GSG1L: variants seen among roughly 807,000 people sequenced by gnomAD.
GSG1L encodes the protein germ cell-specific gene 1-like protein.
A neutral mutation model predicts 42.1 loss-of-function variants in GSG1L; 24 were observed. The observed-to-expected ratio is 0.57, with a 90% CI of 0.41 to 0.80. The LOEUF is 0.80. GSG1L is among the 30% of genes least tolerant of loss of function. The pLI, the probability that GSG1L is intolerant of heterozygous loss-of-function variation, is 0.00. For synonymous variants in GSG1L, 215 were observed against 203.5 expected (o/e 1.06, Z -0.48); for missense variants, 445 against 472.2 (o/e 0.94, Z 0.53).
intron 6 of GSG1L, among the ~76,000 whole-genome samples, chr16:27,797,062 T>G (rs1348829217): frequency 1.3e-5 from 2 of 152,118 alleles, no homozygotes; most frequent in Non-Finnish European, 2.9e-5. Flanking sequence ...AAAATACGAG[T>G]TAGGTGCCAT....
At chr16:28,036,621 A>G (rs2086041456) in intron 1 of GSG1L, among the ~76,000 whole-genome samples, 1 of 151,950 alleles carries the variant, frequency 6.6e-6, no homozygotes, top group Non-Finnish European at 1.5e-5. Context: ...TCCCAAATCA[A>G]CTGCTCAAAT....
intron 1 of GSG1L, among the ~76,000 whole-genome samples, chr16:27,977,941 G>A (rs1187492446): frequency 6.6e-6 from 1 of 152,228 alleles, no homozygotes; most frequent in Non-Finnish European, 1.5e-5. Context: ...TTTGCAGCAT[G>A]AGAATCAAAC....
intron 1 of GSG1L, among the ~76,000 whole-genome samples, chr16:28,007,796 T>A (rs2085662688): frequency 6.6e-6 from 1 of 151,868 alleles, no homozygotes; most frequent in Non-Finnish European, 1.5e-5. Context: ...GATGACAGGC[T>A]TGAGCCACCA....
chr16:27,880,902 GC>G (rs1012891161), intron 3 of GSG1L, among the ~76,000 whole-genome samples: 14 of 151,724 alleles, frequency 9.2e-5, no homozygotes, highest in African/African-American at 1.9e-4. Context: ...CTGGATGCCT[GC>G]CCCCCGAGAC....
intron 1 of GSG1L, among the ~76,000 whole-genome samples, chr16:28,049,415 T>C (rs948824824): frequency 6.6e-6 from 1 of 151,880 alleles, no homozygotes; most frequent in African/African-American, 2.4e-5. Context: ...GTGTGGTAGC[T>C]CATGCCTGTA....
chr16:27,875,134 T>C (rs1405818913), intron 3 of GSG1L, among the ~76,000 whole-genome samples: 6 of 152,186 alleles, frequency 3.9e-5, no homozygotes, highest in Non-Finnish European at 4.4e-5. Context: ...CCCACACATG[T>C]TGGTGACTTC....
chr16:28,024,357 T>C (rs908698519), intron 1 of GSG1L, among the ~76,000 whole-genome samples: 3 of 152,284 alleles, frequency 2.0e-5, no homozygotes, highest in South Asian at 2.1e-4. Context: ...CCAACTCCGA[T>C]TGTAAATTAG....
intron 6 of GSG1L, among the ~76,000 whole-genome samples, chr16:27,801,011 G>A (rs147444533): frequency 6.6e-6 from 1 of 152,174 alleles, no homozygotes; most frequent in East Asian, 1.9e-4. Context: ...AAGGCTTCTC[G>A]GAGGAAGCGG....
chr16:27,871,730 C>T (rs1413540023), intron 3 of GSG1L, among the ~76,000 whole-genome samples: 1 of 152,160 alleles, frequency 6.6e-6, no homozygotes, highest in Non-Finnish European at 1.5e-5. Context: ...GTACGAGCTA[C>T]AACATGGATG....
intron 2 of GSG1L, among the ~76,000 whole-genome samples, chr16:27,891,831 C>T (rs145766419): frequency 6.9e-6 from 1 of 145,714 alleles, no homozygotes; most frequent in African/African-American, 2.5e-5. Context: ...CAAGTGTCTT[C>T]ACTTGAACTA....
intron 3 of GSG1L, among the ~76,000 whole-genome samples, chr16:27,879,538 C>T (rs2083926386): frequency 6.6e-6 from 1 of 152,160 alleles, no homozygotes; most frequent in Non-Finnish European, 1.5e-5. Flanking sequence ...TCACTTGAAC[C>T]CAGAAGGTCG....
At chr16:27,965,071 T>A in intron 1 of GSG1L, among the ~76,000 whole-genome samples, 1 of 152,182 alleles carries the variant, frequency 6.6e-6, no homozygotes, top group East Asian at 1.9e-4. Context: ...CAGGCTGGAG[T>A]ACAGTGGTGC....
At chr16:27,818,077 G>T (rs796248512) in intron 5 of GSG1L, among the ~76,000 whole-genome samples, 32 of 152,320 alleles carry the variant, frequency 2.1e-4, no homozygotes, top group African/African-American at 7.7e-4. Flanking sequence ...AGGCTTCCAG[G>T]TGAGGCCAGC....
At position 27,909,723 on chromosome 16, in the gene GSG1L, T is replaced by C. The variant is rs182666908; in HGVS notation, c.398-25085A>G. 2.8e-5 allele frequency among the ~76,000 whole-genome samples: 4 copies of C among 144,874 alleles called. No individual in the cohort carries two copies. In the Admixed American group the frequency reaches 2.8e-4, roughly 10 times the overall value. ...ATGGTGTGATCATATCTCACAGCAG[T>C]CCCGACCTCCAGGGCTCATGTGATC... On this transcript the variant is annotated intron_variant, in intron 2 of 6. Coordinates refer to ENST00000447459, the MANE Select transcript of GSG1L (RefSeq NM_001109763.2).
At chr16:27,934,458 C>G (rs1181734220) in intron 2 of GSG1L, among the ~76,000 whole-genome samples, 1 of 152,200 alleles carries the variant, frequency 6.6e-6, no homozygotes, top group Non-Finnish European at 1.5e-5. Context: ...TCGCTTGAAC[C>G]TGGGAGGCGG....
chr16:28,031,821 C>T (rs772043971), intron 1 of GSG1L, among the ~76,000 whole-genome samples: 3 of 152,154 alleles, frequency 2.0e-5, no homozygotes, highest in Non-Finnish European at 4.4e-5. Context: ...TCTGAATGTG[C>T]GTAGAGCTGT....
rs186560270 is a variant in GSG1L, at chr16:27,861,672, G to A, written c.551-16611C>T. ...GTCTCCATCCCTGACCTCACTTCCC[G>A]CCCCTCTTTCCCTCTCTGGCCTCCT... On this transcript the variant is annotated intron_variant, in intron 3 of 6. Coordinates refer to ENST00000447459, the MANE Select transcript of GSG1L (RefSeq NM_001109763.2). 6.6e-5 allele frequency among the ~76,000 whole-genome samples: 10 copies of A among 151,988 alleles called. 1 individual carries two copies. Among genetic ancestry groups the A allele is most frequent in the African/African-American group, 1.5e-4 (6 of 41,370 alleles).
At chr16:28,025,602 C>T (rs1425619416) in intron 1 of GSG1L, among the ~76,000 whole-genome samples, 1 of 152,214 alleles carries the variant, frequency 6.6e-6, no homozygotes, top group Non-Finnish European at 1.5e-5. Context: ...TCTCTGTCAC[C>T]CCTGCCTGCC....
intron 2 of GSG1L, among the ~76,000 whole-genome samples, chr16:27,951,496 TG>T (rs938868408): frequency 2.6e-5 from 4 of 152,118 alleles, no homozygotes; most frequent in Non-Finnish European, 5.9e-5. Flanking sequence ...TGATGCAGTC[TG>T]GGGATGAAGG....
Sources: allele counts gnomAD v4.1 joint callset (sites outside exome capture counted in the v4.1 genomes callset), GRCh38; gene constraint gnomAD v4.1.1; transcripts MANE v1.5; gene names NCBI Gene and HGNC (gene_info 2026-07-23, HGNC 2026-07-21).